The following VPS13C variants were observed in gnomAD, a reference collection of about 807,000 sequenced individuals.
The protein encoded by VPS13C is intermembrane lipid transfer protein VPS13C.
Under a neutral mutation model 456.8 loss-of-function variants are expected in VPS13C, and 358 were observed. That is an observed-to-expected ratio of 0.78 (90% CI 0.72 to 0.86). The LOEUF (loss-of-function observed/expected upper bound fraction) is 0.86. Among genes scored for constraint, VPS13C ranks in the 40% least tolerant of loss-of-function variants. The pLI is 0.00. For synonymous variants in VPS13C, 1,578 were observed against 1,486.7 expected (o/e 1.06, Z -1.41); for missense variants, 4,818 against 4,385.4 (o/e 1.10, Z -2.79).
chr15:61,941,755 A>C lies in VPS13C; in HGVS notation c.5453+8T>G. The C allele has an allele frequency of 6.2e-7, 1 of 1,601,852 alleles. No homozygotes were observed. The highest frequency in any genetic ancestry group is 8.5e-7 in the Non-Finnish European group (1 of 1,173,810). On this transcript the variant is annotated splice_region_variant and intron_variant, in intron 46 of 84. Coordinates refer to ENST00000644861, the MANE Select transcript of VPS13C (RefSeq NM_020821.3). ...TAAGCAATACACAATTAGATTACAT[A>C]TTTATACCTTGACAGCTTCAACTGA...
chr15:61,890,772 A>G (rs562200998), intron 66 of VPS13C, among the ~76,000 whole-genome samples: 12 of 152,120 alleles, frequency 7.9e-5, no homozygotes, highest in Non-Finnish European at 1.3e-4. Context: ...CTTAGCCCAG[A>G]GTGGTGGCTC....
chr15:61,875,297 G>C (rs370734394), intron 76 of VPS13C, among the ~76,000 whole-genome samples: 1 of 152,008 alleles, frequency 6.6e-6, no homozygotes, highest in Non-Finnish European at 1.5e-5. Context: ...TTTTTTTACT[G>C]TCTTATTCTC....
chr15:61,854,966 G>C lies in VPS13C; in HGVS notation c.11077-12C>G. On this transcript the variant is annotated splice_polypyrimidine_tract_variant and intron_variant, in intron 83 of 84. Coordinates refer to ENST00000644861, the MANE Select transcript of VPS13C (RefSeq NM_020821.3). ...AACAGACCCTGTTCCTGTTTCAAAA[G>C]AAACAATGACAGAAAAGAAATTATT... 6.3e-7 allele frequency: 1 copy of C among 1,579,946 alleles called. No individual in the cohort carries two copies.
intron 66 of VPS13C, 59 bp from the exon 67 acceptor site, chr15:61,890,459 T>C (rs2042616216): frequency 2.6e-5 from 37 of 1,426,752 alleles, no homozygotes; most frequent in Non-Finnish European, 3.4e-5. Flanking sequence ...TATATAAAAT[T>C]GAACTATAAT....
intron 24 of VPS13C, 66 bp from the exon 25 acceptor site, chr15:61,974,483 T>A: frequency 6.5e-7 from 1 of 1,531,882 alleles, no homozygotes; most frequent in Non-Finnish European, 8.9e-7. Context: ...AAGAATTGCA[T>A]TAATGTAATT....
chr15:62,036,361 A>G lies in VPS13C; in HGVS notation c.188-1309T>C, dbSNP rs189240310. On this transcript the variant is annotated intron_variant, in intron 3 of 84. Transcript: ENST00000644861. The stretch of plus-strand genomic sequence containing the variant: ...TAACAAACTAAAGAGAAAATAAAAT[A>G]ATGCAATGTAAGACAGAATATTTGG... 3.4e-4 allele frequency among the ~76,000 whole-genome samples: 51 copies of G among 152,160 alleles called. 1 individual carries two copies. The East Asian group carries it at 9.7e-3, about 29-fold the overall frequency.
chr15:61,893,863 T>G (rs1410873552), intron 66 of VPS13C, among the ~76,000 whole-genome samples: 1 of 152,072 alleles, frequency 6.6e-6, no homozygotes, highest in East Asian at 1.9e-4. Context: ...AGATGTTTTT[T>G]GTAAGCCTCA....
At chr15:61,983,747 G>A in intron 20 of VPS13C, 73 bp downstream of exon 20, 1 of 1,440,652 alleles carries the variant, frequency 6.9e-7, no homozygotes, top group Non-Finnish European at 9.4e-7. Context: ...ATATGAAAGA[G>A]GAGAAATAAG....
Position 61,872,028 on chromosome 15 carries a change from C to A in VPS13C, c.10585G>T (p.Val3529Phe). 1 of 1,612,540 alleles carries A rather than the reference C, an allele frequency of 6.2e-7. No individual in the cohort carries two copies. Among genetic ancestry groups the A allele is most frequent in the Non-Finnish European group, 8.5e-7 (1 of 1,179,170 alleles). The change falls in exon 79 of 85, where the codon GTT becomes TTT. Residue 3529 changes from valine to phenylalanine, a missense_variant. Physicochemically the swap from Val to Phe is conservative, Grantham distance 50. Transcript: ENST00000644861. ...GTTATTATTCCAGTCACTCCACCAACAACTCCCTGAAAGAGAAATCAATCA... is the reference window on the plus strand; with the variant it reads ...GTTATTATTCCAGTCACTCCACCAAAAACTCCCTGAAAGAGAAATCAATCA... ...RGGKGFLRGV[V>F]GGVTGIITKP...
At chr15:62,055,317 G>A (rs1308443842) in intron 1 of VPS13C, among the ~76,000 whole-genome samples, 2 of 151,042 alleles carry the variant, frequency 1.3e-5, no homozygotes, top group Non-Finnish European at 2.9e-5. Flanking sequence ...AACCTCTGCC[G>A]CCCAGGTTCA....
intron 18 of VPS13C, among the ~76,000 whole-genome samples, chr15:61,988,928 TA>T (rs2046140431): frequency 1.3e-5 from 2 of 152,106 alleles, no homozygotes; most frequent in African/African-American, 4.8e-5. Context: ...TAAATCTAAA[TA>T]CATAAAGTAA....
At chr15:61,911,665 CAAA>C (rs2043305248) in intron 63 of VPS13C, among the ~76,000 whole-genome samples, 172 bp downstream of exon 63, 2 of 152,102 alleles carry the variant, frequency 1.3e-5, no homozygotes, top group African/African-American at 4.8e-5. Flanking sequence ...AGTGTATTAT[CAAA>C]ACTTTTCTCC....
chr15:61,865,854 T>C (rs1349083781), intron 81 of VPS13C: 2 of 933,788 alleles, frequency 2.1e-6, no homozygotes, highest in Admixed American at 6.2e-5. Context: ...CTCATGGAAA[T>C]ATAATATATG....
At chr15:61,919,941 G>T in intron 57 of VPS13C, 126 bp downstream of exon 57, 1 of 914,986 alleles carries the variant, frequency 1.1e-6, no homozygotes, top group Non-Finnish European at 1.5e-6. Flanking sequence ...CAAGAGGTTA[G>T]CAATTATATG....
At chr15:61,984,411 G>A (rs1460284643) in intron 19 of VPS13C, among the ~76,000 whole-genome samples, 1 of 152,118 alleles carries the variant, frequency 6.6e-6, no homozygotes, top group Non-Finnish European at 1.5e-5. Flanking sequence ...CCTTCTCCTA[G>A]CTCAGTTATT....
intron 11 of VPS13C, among the ~76,000 whole-genome samples, 159 bp from the exon 12 acceptor site, chr15:62,012,323 G>A (rs2047073545): frequency 6.6e-6 from 1 of 151,410 alleles, no homozygotes; most frequent in African/African-American, 2.4e-5. Flanking sequence ...AAAATACACG[G>A]AGCATTATTT....
At chr15:61,985,122 G>A in intron 18 of VPS13C, 123 bp from the exon 19 acceptor site, 1 of 712,436 alleles carries the variant, frequency 1.4e-6, no homozygotes, top group Non-Finnish European at 2.0e-6. Context: ...GGCAGGTTCT[G>A]GCATCCACAT....
At chr15:61,955,494 A>T (rs1414581083) in intron 37 of VPS13C, among the ~76,000 whole-genome samples, 4 of 152,204 alleles carry the variant, frequency 2.6e-5, no homozygotes, top group African/African-American at 9.7e-5. Flanking sequence ...TGTAAGCTAC[A>T]CCAGAATTCC....
chr15:61,855,292 T>C (rs1893844305), intron 83 of VPS13C, among the ~76,000 whole-genome samples: 1 of 152,178 alleles, frequency 6.6e-6, no homozygotes, highest in African/African-American at 2.4e-5. Flanking sequence ...GGCTGATACA[T>C]AAAATTTCTG....
Sources: allele counts gnomAD v4.1 joint callset (sites outside exome capture counted in the v4.1 genomes callset), GRCh38; gene constraint gnomAD v4.1.1; transcripts MANE v1.5; gene names NCBI Gene and HGNC (gene_info 2026-07-23, HGNC 2026-07-21).